The following CERK variants were observed in gnomAD, a reference collection of about 807,000 sequenced individuals.
The protein encoded by CERK is acylsphingosine kinase.
In CERK, 39 loss-of-function variants were observed where a neutral mutation model predicts 63.4. That is an observed-to-expected ratio of 0.61 (90% CI 0.48 to 0.80). The LOEUF is 0.80. CERK is among the 30% of genes least tolerant of loss of function. The pLI, the probability that CERK is intolerant of heterozygous loss-of-function variation, is 0.00. For missense variants in CERK, 670 were observed against 714.1 expected (o/e 0.94, Z 0.70); for synonymous variants, 302 against 280.0 (o/e 1.08, Z -0.78).
intron 7 of CERK, 55 bp downstream of exon 7, chr22:46,701,581 T>TGGGGGCGCAGGAGGCCC: frequency 1.4e-6 from 2 of 1,460,698 alleles, no homozygotes; most frequent in Non-Finnish European, 9.3e-7. Context: ...GGGACAGGCC[T>TGGGGGCGCAGGAGGCCC]GGGGGCGCAG....
At position 46,738,061 on chromosome 22, in the gene CERK, C is replaced by G; in HGVS notation, c.88G>C (p.Ala30Pro). 7.9e-7 allele frequency: 1 copy of G among 1,258,032 alleles called. No individual in the cohort carries two copies. 77.9% of individuals were successfully genotyped at this position (1,258,032 alleles called of 1,614,324 possible). ...RCAVSLEPAR[A>P]LLRWWRSPGP... ...GGGCTCCGCCACCAGCGCAGCAGAG[C>G]CCGCGCGGGCTCCAGGCTCACGGCG... The change falls in exon 1 of 13, where the codon GCT (alanine) becomes CCT (proline). Residue 30 changes from alanine (A) to proline (P), a missense_variant. Transcript: ENST00000216264.
Position 46,691,816 on chromosome 22 carries a change from T to C in CERK, c.1127-39A>G, listed in dbSNP as rs746388397. The C allele has an allele frequency of 3.2e-6, 5 of 1,570,790 alleles. No individual in the cohort carries two copies. The East Asian group carries it at 9.1e-5, about 29-fold the overall frequency. On this transcript the variant is annotated intron_variant, in intron 10 of 12. Coordinates refer to ENST00000216264, the MANE Select transcript of CERK (RefSeq NM_022766.6). ...AACCACGGAGATGTCACAGTTACAA[T>C]GGCGCCGGGCAGCGCCCTGCACCAG...
chr22:46,692,123 A>C (rs1465185322), intron 10 of CERK, among the ~76,000 whole-genome samples: 1 of 152,164 alleles, frequency 6.6e-6, no homozygotes, highest in Non-Finnish European at 1.5e-5. Flanking sequence ...AATGCTTTTC[A>C]CGTTTTTAAA....
At chr22:46,713,735 T>C (rs908067508) in intron 3 of CERK, among the ~76,000 whole-genome samples, 2 of 152,108 alleles carry the variant, frequency 1.3e-5, no homozygotes, top group African/African-American at 2.4e-5. Context: ...GCAGAGAGAC[T>C]GGAGGCTTCC....
At chr22:46,737,825 C>T (rs2082982738) in intron 1 of CERK, among the ~76,000 whole-genome samples, 182 bp downstream of exon 1, 2 of 152,184 alleles carry the variant, frequency 1.3e-5, no homozygotes, top group South Asian at 2.1e-4. Flanking sequence ...GGCGCACAGC[C>T]CGGCCCCTGG....
At chr22:46,705,179 C>T (rs192872114) in intron 6 of CERK, among the ~76,000 whole-genome samples, 2 of 152,348 alleles carry the variant, frequency 1.3e-5, no homozygotes, top group East Asian at 1.9e-4. Context: ...GAAATCATGA[C>T]CTGGAGCCTC....
intron 7 of CERK, among the ~76,000 whole-genome samples, chr22:46,699,701 G>A (rs1310621900): frequency 6.6e-6 from 1 of 152,204 alleles, no homozygotes; most frequent in African/African-American, 2.4e-5. Context: ...TATCCTGTGG[G>A]GACTGAACAA....
intron 7 of CERK, among the ~76,000 whole-genome samples, chr22:46,700,602 A>G (rs2082778666): frequency 6.6e-6 from 1 of 152,122 alleles, no homozygotes; most frequent in African/African-American, 2.4e-5. Context: ...AATCTCAGCT[A>G]CTTAGAAGAC....
intron 2 of CERK, among the ~76,000 whole-genome samples, chr22:46,720,628 A>G (rs1232689334): frequency 6.6e-6 from 1 of 152,140 alleles, no homozygotes; most frequent in African/African-American, 2.4e-5. Context: ...CCCAGGAAGC[A>G]GAGGTTGAAC....
chr22:46,716,891 C>T (rs1460713671), intron 3 of CERK, among the ~76,000 whole-genome samples: 1 of 151,664 alleles, frequency 6.6e-6, no homozygotes. Flanking sequence ...GCCAGGATCG[C>T]GCAACTGCCC....
At chr22:46,716,208 A>T (rs1481298421) in intron 3 of CERK, among the ~76,000 whole-genome samples, 12 of 138,708 alleles carry the variant, frequency 8.7e-5, no homozygotes, top group African/African-American at 2.8e-4. Flanking sequence ...TTTTTTTTTT[A>T]AAGATGGAGT....
intron 6 of CERK, among the ~76,000 whole-genome samples, chr22:46,703,801 C>T (rs1280869325): frequency 6.6e-6 from 1 of 152,236 alleles, no homozygotes; most frequent in Non-Finnish European, 1.5e-5. Context: ...CCTCCAAGAC[C>T]TCCTGCTGCA....
At chr22:46,700,967 C>T (rs1310248018) in intron 7 of CERK, among the ~76,000 whole-genome samples, 6 of 141,058 alleles carry the variant, frequency 4.3e-5, no homozygotes, top group South Asian at 2.3e-4. Flanking sequence ...GCCAAGATAG[C>T]GCCACTGCAC....
chr22:46,729,577 A>G (rs34301321), intron 1 of CERK, among the ~76,000 whole-genome samples: 71,115 of 151,720 alleles, frequency 0.47, 19,177 homozygotes, highest in Non-Finnish European at 0.6. Flanking sequence ...AGCCTCCAAA[A>G]AACATTAACA....
intron 5 of CERK, among the ~76,000 whole-genome samples, chr22:46,710,036 T>G (rs976296414): frequency 1.3e-5 from 2 of 152,216 alleles, no homozygotes; most frequent in African/African-American, 4.8e-5. Context: ...ACATATTTCT[T>G]AAAATATTAG....
intron 10 of CERK, among the ~76,000 whole-genome samples, chr22:46,692,400 T>G (rs1425472108): frequency 7.7e-6 from 1 of 129,122 alleles, no homozygotes; most frequent in Non-Finnish European, 1.6e-5. Context: ...CACTCCAGAC[T>G]GGGCAACAAG....
intron 1 of CERK, among the ~76,000 whole-genome samples, chr22:46,726,788 C>T (rs756702558): frequency 1.6e-4 from 25 of 151,666 alleles, no homozygotes; most frequent in African/African-American, 3.1e-4. Flanking sequence ...CCGCCCACCA[C>T]GTCCACCCTG....
At chr22:46,734,362 G>T (rs1199578564) in intron 1 of CERK, among the ~76,000 whole-genome samples, 2 of 150,128 alleles carry the variant, frequency 1.3e-5, no homozygotes, top group Non-Finnish European at 2.9e-5. Flanking sequence ...CACATGGCAT[G>T]ATTCCATTTA....
intron 1 of CERK, among the ~76,000 whole-genome samples, chr22:46,734,867 C>T (rs1288199441): frequency 1.3e-5 from 2 of 152,164 alleles, no homozygotes; most frequent in African/African-American, 4.8e-5. Context: ...CTTTTGTAAG[C>T]AGGAAAAACA....
Sources: allele counts gnomAD v4.1 joint callset (sites outside exome capture counted in the v4.1 genomes callset), GRCh38; gene constraint gnomAD v4.1.1; transcripts MANE v1.5; gene names NCBI Gene and HGNC (gene_info 2026-07-23, HGNC 2026-07-21).